The following CDH4 variants were observed in gnomAD, a reference collection of about 807,000 sequenced individuals.
CDH4 encodes the protein cadherin-4.
In CDH4, 33 loss-of-function variants were observed where a neutral mutation model predicts 86.0. The observed-to-expected ratio is 0.38, with a 90% confidence interval of 0.29 to 0.51. The LOEUF (loss-of-function observed/expected upper bound fraction) is 0.51. Ranked by LOEUF, CDH4 falls within the 20% of genes least tolerant of loss-of-function variation. The pLI is 0.86. For synonymous variants in CDH4, 555 were observed against 549.4 expected (o/e 1.01, Z -0.14); for missense variants, 1,114 against 1,307.4 (o/e 0.85, Z 2.28).
At chr20:61,870,625 C>T (rs1017755577) in intron 6 of CDH4, among the ~76,000 whole-genome samples, 6 of 152,138 alleles carry the variant, frequency 3.9e-5, no homozygotes, top group Admixed American at 6.5e-5. Flanking sequence ...ACGAAAATGC[C>T]GGGGGCCACG....
At chr20:61,523,387 ATGGCG>A (rs2085887373) in intron 2 of CDH4, among the ~76,000 whole-genome samples, 1 of 152,232 alleles carries the variant, frequency 6.6e-6, no homozygotes, top group Non-Finnish European at 1.5e-5. Flanking sequence ...ATTGCGTGGC[ATGGCG>A]TGCTCCTCGC....
At chr20:61,458,356 G>A (rs185025044) in intron 2 of CDH4, among the ~76,000 whole-genome samples, 23 of 140,018 alleles carry the variant, frequency 1.6e-4, no homozygotes, top group Non-Finnish European at 2.7e-4. Context: ...CAGTGCTGAC[G>A]CTGTGGTGGT....
At chr20:61,925,601 T>G (rs2055036810) in intron 11 of CDH4, among the ~76,000 whole-genome samples, 1 of 152,190 alleles carries the variant, frequency 6.6e-6, no homozygotes, top group Admixed American at 6.5e-5. Context: ...TGGAACACAG[T>G]GACGCCCTGC....
intron 2 of CDH4, among the ~76,000 whole-genome samples, chr20:61,362,879 C>T (rs1275560946): frequency 6.6e-6 from 1 of 152,212 alleles, no homozygotes; most frequent in Non-Finnish European, 1.5e-5. Context: ...CCAACTGGGT[C>T]TGAGTCCAAA....
intron 2 of CDH4, among the ~76,000 whole-genome samples, chr20:61,371,051 C>T (rs971298364): frequency 1.3e-5 from 2 of 152,192 alleles, no homozygotes; most frequent in Admixed American, 6.5e-5. Context: ...TGGGAGCATG[C>T]CTACTTTTTA....
intron 5 of CDH4, among the ~76,000 whole-genome samples, chr20:61,845,455 C>T (rs1982403891): frequency 1.3e-5 from 2 of 152,150 alleles, no homozygotes; most frequent in Admixed American, 6.5e-5. Context: ...TGACCCTGGC[C>T]GAGAGGAGGG....
intron 4 of CDH4, among the ~76,000 whole-genome samples, chr20:61,813,383 C>T (rs1284535985): frequency 6.6e-6 from 1 of 152,184 alleles, no homozygotes; most frequent in Non-Finnish European, 1.5e-5. Context: ...TCCCCAGTGC[C>T]CCACATGTGC....
At chr20:61,440,755 A>G (rs62200871) in intron 2 of CDH4, among the ~76,000 whole-genome samples, 25,545 of 152,066 alleles carry the variant, frequency 0.17, 2,235 homozygotes, top group Non-Finnish European at 0.18. Flanking sequence ...AGGAAGCGCT[A>G]TTGTTGGTGT....
intron 2 of CDH4, chr20:61,719,189 GAT>G (rs1491418382): frequency 1.9e-5 from 8 of 411,226 alleles, no homozygotes; most frequent in Non-Finnish European, 4.0e-5. Flanking sequence ...TCTAATCAGA[GAT>G]TTTTTTTTTT....
At chr20:61,564,458 C>T (rs535698701) in intron 2 of CDH4, among the ~76,000 whole-genome samples, 6 of 152,208 alleles carry the variant, frequency 3.9e-5, no homozygotes, top group South Asian at 4.2e-4. Flanking sequence ...AGTGAGTTCT[C>T]GCTCTGAGCT....
rs932973135 is a variant in CDH4 at position 61,582,345 on chromosome 20, C to G, written c.170-161218C>G. Among the ~76,000 whole-genome samples the G allele has an allele frequency of 6.6e-6, 1 of 152,178 alleles. No individual in the cohort carries two copies. Among genetic ancestry groups the G allele is most frequent in the Non-Finnish European group, 1.5e-5 (1 of 68,012 alleles). On this transcript the variant is annotated intron_variant, in intron 2 of 15. Transcript: ENST00000614565. The surrounding 1 kb of genome is among the most constrained non-coding windows in gnomAD (Gnocchi z 4.2). ...CGGATCCGCTCTCCTCCTTATTGTT[C>G]AAGCGCAGTGAAAAAGGCAGCGTGA...
chr20:61,628,018 C>T (rs2086847050), intron 2 of CDH4, among the ~76,000 whole-genome samples: 1 of 152,126 alleles, frequency 6.6e-6, no homozygotes, highest in African/African-American at 2.4e-5. Flanking sequence ...CGTGCCCCAC[C>T]AGGAATTCCC....
chr20:61,356,496 C>T (rs2084751247), intron 2 of CDH4, among the ~76,000 whole-genome samples: 1 of 152,180 alleles, frequency 6.6e-6, no homozygotes. Context: ...TTTATCTCCT[C>T]ACCATTAATT....
intron 2 of CDH4, among the ~76,000 whole-genome samples, chr20:61,351,405 G>A (rs1359775653): frequency 6.6e-6 from 1 of 152,206 alleles, no homozygotes; most frequent in Non-Finnish European, 1.5e-5. Context: ...AGGGACTTGG[G>A]CGTCTACAGA....
chr20:61,612,335 A>G (rs1452822315), intron 2 of CDH4, among the ~76,000 whole-genome samples: 12 of 152,250 alleles, frequency 7.9e-5, no homozygotes, highest in Non-Finnish European at 1.5e-4. Flanking sequence ...TCTTCTGTCA[A>G]ACTGTATATT....
chr20:61,797,088 C>G (rs897179238), intron 4 of CDH4, among the ~76,000 whole-genome samples: 3 of 151,182 alleles, frequency 2.0e-5, no homozygotes, highest in African/African-American at 7.3e-5. Flanking sequence ...GAAGAGCCCC[C>G]CCCCCCCCAA....
At position 61,801,302 on chromosome 20, in the gene CDH4, T is replaced by A. The variant is rs572984994; in HGVS notation, c.576+28120T>A. ...AGGCAGCCTCTGGGCAGGGCCAGGG[T>A]GTCCAGCCGCATCAGCCAAGCGTCT... On this transcript the variant is annotated intron_variant, in intron 4 of 15. Transcript: ENST00000614565. Among the ~76,000 whole-genome samples the A allele has an allele frequency of 3.3e-5, 5 of 152,002 alleles. No homozygotes were observed. The East Asian group carries it at 9.7e-4, about 30-fold the overall frequency.
In CDH4 at chr20:61,809,498, T is replaced by C. The variant is rs548220939; in HGVS notation, c.577-35170T>C. On this transcript the variant is annotated intron_variant, in intron 4 of 15. Coordinates refer to ENST00000614565, the MANE Select transcript of CDH4 (RefSeq NM_001794.5). ...CTCATTAAAGATCAAAGTCCCAGTATGCTGGATGATTAAGTGTAATTATAG... is the reference window on the plus strand; with the variant it reads ...CTCATTAAAGATCAAAGTCCCAGTACGCTGGATGATTAAGTGTAATTATAG... 4.6e-5 allele frequency among the ~76,000 whole-genome samples: 7 copies of C among 152,330 alleles called. No homozygotes were observed. The South Asian group carries it at 8.3e-4, about 18-fold the overall frequency.
chr20:61,936,965 G>A lies in CDH4; in HGVS notation c.*22G>A, dbSNP rs542656321. On this transcript the variant is annotated 3_prime_UTR_variant, in exon 16 of 16. Coordinates refer to ENST00000614565, the MANE Select transcript of CDH4 (RefSeq NM_001794.5). ...TTGACTGACCTCGCATCTTCGGACC[G>A]AAGTGAGAGCCGTGCTCGGACGCCG... 56 of 1,542,576 alleles carry A rather than the reference G, an allele frequency of 3.6e-5. No homozygotes were observed. In the South Asian group the frequency reaches 4.8e-4, roughly 13 times the overall value.
Sources: allele counts gnomAD v4.1 joint callset (sites outside exome capture counted in the v4.1 genomes callset), GRCh38; gene constraint gnomAD v4.1.1; non-coding constraint Gnocchi (gnomAD v3.1); transcripts MANE v1.5; gene names NCBI Gene and HGNC (gene_info 2026-07-23, HGNC 2026-07-21).